Variants in KIF26A observed in about 807,000 individuals in gnomAD.
KIF26A encodes the protein kinesin-like protein KIF26A.
A neutral mutation model predicts 126.0 loss-of-function variants in KIF26A; 74 were observed. The observed-to-expected ratio is 0.59, with a 90% confidence interval of 0.49 to 0.71. KIF26A has a LOEUF of 0.71. KIF26A is among the 30% of genes least tolerant of loss of function. The probability of loss-of-function intolerance (pLI) is 0.00; values close to 1 mark genes in which losing one functional copy is unlikely to be tolerated. For missense variants in KIF26A, 2,984 were observed against 2,763.3 expected (o/e 1.08, Z -1.79); for synonymous variants, 1,445 against 1,232.7 (o/e 1.17, Z -3.61).
intron 2 of KIF26A, among the ~76,000 whole-genome samples, chr14:104,147,621 C>G (rs1247806731): frequency 6.6e-6 from 1 of 152,232 alleles, no homozygotes; most frequent in Non-Finnish European, 1.5e-5. Context: ...GCCCCCCGCC[C>G]TGATGGGCTG....
At position 104,138,614 on chromosome 14, in the gene KIF26A, G is replaced by T. The variant is rs2037606251; in HGVS notation, c.-109G>T. 11 of 887,120 alleles carry T rather than the reference G, an allele frequency of 1.2e-5. No individual in the cohort carries two copies. Among genetic ancestry groups the T allele is most frequent in the Non-Finnish European group, 1.5e-5 (10 of 688,698 alleles). 55.0% of individuals were successfully genotyped at this position (887,120 alleles called of 1,614,324 possible). ...TCGCAGGCTCTGCGAACTTCCGAGC[G>T]GCTGGGCCGGGCCATGGGGGCGCCT... is the stretch of plus-strand genomic sequence containing the variant. On this transcript the variant is annotated 5_prime_UTR_variant, in exon 1 of 15. Coordinates refer to ENST00000423312, the MANE Select transcript of KIF26A (RefSeq NM_015656.2).
At chr14:104,141,070 G>A (rs1480559786) in intron 2 of KIF26A, among the ~76,000 whole-genome samples, 1 of 152,208 alleles carries the variant, frequency 6.6e-6, no homozygotes, top group African/African-American at 2.4e-5. Context: ...TCATTGTCCT[G>A]TCCCCTGTGC....
rs766774140 is a variant in KIF26A at position 104,177,934 on chromosome 14, G to C, written c.5110+36G>C. On this transcript the variant is annotated intron_variant, in intron 12 of 14. Transcript: ENST00000423312. ...AGGTGCACAGCCCTCTACAGTTTAC[G>C]GGCTTTCTGTGTGTAGATGTGCACA... The C allele has an allele frequency of 2.7e-6, 4 of 1,462,496 alleles. 1 individual carries two copies. Among genetic ancestry groups the C allele is most frequent in the Non-Finnish European group, 3.6e-6 (4 of 1,114,480 alleles). The allele number at this position is 1,462,496 out of a possible 1,614,324, so 90.6% of individuals were successfully genotyped here. A position where few individuals can be genotyped will look rare whatever the true frequency, so the allele number is the denominator to read the frequency against.
chr14:104,180,893 T>C lies in KIF26A; in HGVS notation c.*1103T>C, dbSNP rs2038096000. 1 of 152,356 alleles carries C rather than the reference T, an allele frequency of 6.6e-6. No homozygotes were observed. Among genetic ancestry groups the C allele is most frequent in the Non-Finnish European group, 1.5e-5 (1 of 68,070 alleles). The allele number at this position is 152,356 out of a possible 1,614,324, so 9.4% of individuals were successfully genotyped here. On this transcript the variant is annotated 3_prime_UTR_variant, in exon 15 of 15. Coordinates refer to ENST00000423312, the MANE Select transcript of KIF26A (RefSeq NM_015656.2). ...TTGTGAATTAAAGATGCATCGATGG[T>C]TCCCACGGCTGCCGAGTTCACTGGG... is the stretch of plus-strand genomic sequence containing the variant.
At chr14:104,160,182 A>C (rs1164798392) in intron 4 of KIF26A, among the ~76,000 whole-genome samples, 1 of 152,150 alleles carries the variant, frequency 6.6e-6, no homozygotes, top group African/African-American at 2.4e-5. Context: ...GTGGCCTCTC[A>C]GGGAGCGGGC....
chr14:104,176,374 C>T lies in KIF26A; in HGVS notation c.3586C>T (p.Pro1196Ser). The T allele has an allele frequency of 6.3e-7, 1 of 1,584,246 alleles. No individual in the cohort carries two copies. Among genetic ancestry groups the T allele is most frequent in the Non-Finnish European group, 8.6e-7 (1 of 1,162,556 alleles). Residue 1196 changes from proline (P) to serine (S), a missense_variant, in exon 12 of 15, where the codon CCC (proline) becomes TCC (serine). Transcript: ENST00000423312. The stretch of plus-strand genomic sequence containing the variant: ...ACCCGGCAGGGAGCCCCAGGCCGGG[C>T]CCTCGCGGTGGGCATCCGCAGCCCA... ...SRPGREPQAGPSRWASAAQTI... is the reference protein window; with the variant it reads ...SRPGREPQAGSSRWASAAQTI...
In KIF26A at chr14:104,176,486, C is replaced by T. The variant is rs1432395109; in HGVS notation, c.3698C>T (p.Pro1233Leu). Reference sequence around the variant, plus strand: ...TGTGCTCGCCTGGGCCAGAGCCCACCTGGCCGTGGAGGCCTGTTTGAGGAC... The same window carrying T: ...TGTGCTCGCCTGGGCCAGAGCCCACTTGGCCGTGGAGGCCTGTTTGAGGAC... ...VGCARLGQSPPGRGGLFEDPW... is the reference protein window; with the variant it reads ...VGCARLGQSPLGRGGLFEDPW... The change falls in exon 12 of 15, where the codon CCT becomes CTT. Residue 1233 changes from proline (P) to leucine (L), a missense_variant. Coordinates refer to ENST00000423312, the MANE Select transcript of KIF26A (RefSeq NM_015656.2). 2 of 1,606,322 alleles carry T rather than the reference C, an allele frequency of 1.2e-6. No individual in the cohort carries two copies. The highest frequency in any genetic ancestry group is 1.1e-5 in the South Asian group (1 of 91,066).
Position 104,139,263 on chromosome 14 carries a change from T to A in KIF26A, c.263T>A (p.Val88Asp), listed in dbSNP as rs1276145402. 5 of 1,537,224 alleles carry A rather than the reference T, an allele frequency of 3.3e-6. No homozygotes were observed. In the East Asian group the frequency reaches 9.9e-5, roughly 31 times the overall value. The change falls in exon 2 of 15, where the codon GTC becomes GAC. Residue 88 changes from valine to aspartate, a missense_variant. Val to Asp is a radical substitution (Grantham distance 152). Transcript: ENST00000423312. Reference protein sequence around the residue: ...VELKRQAWKLVSGPGTTLRDP... With the variant: ...VELKRQAWKLDSGPGTTLRDP... ...CTCAAGCGACAGGCGTGGAAGCTGG[T>A]CAGCGGGCCCGGGACCACCCTCCGG...
At chr14:104,161,188 C>T (rs2037829540) in intron 4 of KIF26A, among the ~76,000 whole-genome samples, 1 of 152,190 alleles carries the variant, frequency 6.6e-6, no homozygotes, top group African/African-American at 2.4e-5. Flanking sequence ...CCAGCTGCCT[C>T]CAGCTGGGGT....
chr14:104,167,106 A>T (rs2037913880), intron 5 of KIF26A, 58 bp downstream of exon 5: 2 of 1,428,712 alleles, frequency 1.4e-6, no homozygotes, highest in Admixed American at 5.5e-5. Flanking sequence ...GTCTGAGAAG[A>T]CGCAGGAGGG....
rs771638818 is a variant in KIF26A at position 104,173,174 on chromosome 14, G to A, written c.1618G>A (p.Gly540Ser). The A allele has an allele frequency of 2.5e-6, 4 of 1,611,562 alleles. No individual in the cohort carries two copies. In the African/African-American group the frequency reaches 5.3e-5, roughly 22 times the overall value. ...LRDLLAEVAP[G>S]SLQDTQSPGV... Reference sequence around the variant, plus strand: ...GGACCTGCTGGCCGAGGTGGCCCCTGGCAGCCTCCAGGACACCCAGTCTCC... The same window carrying A: ...GGACCTGCTGGCCGAGGTGGCCCCTAGCAGCCTCCAGGACACCCAGTCTCC... Residue 540 changes from glycine to serine, a missense_variant, in exon 8 of 15, where the codon GGC (glycine) becomes AGC (serine). Coordinates refer to ENST00000423312, the MANE Select transcript of KIF26A (RefSeq NM_015656.2).
chr14:104,165,470 G>A (rs1264493078), intron 4 of KIF26A, among the ~76,000 whole-genome samples: 1 of 66,868 alleles, frequency 1.5e-5, no homozygotes, highest in Non-Finnish European at 3.0e-5. Context: ...TGTGTGTGTG[G>A]GCCTCTGTGT....
rs1434640190 is a variant in KIF26A, at chr14:104,148,284, A to G, written c.289-3731A>G. Among the ~76,000 whole-genome samples the G allele has an allele frequency of 6.6e-6, 1 of 152,240 alleles. No individual in the cohort carries two copies. Among genetic ancestry groups the G allele is most frequent in the Non-Finnish European group, 1.5e-5 (1 of 68,046 alleles). ...AACCCAGGCGCGCAATGGGTGGGCT[A>G]TGTTTGATGCTAAATTGAATCAAAT... is the stretch of plus-strand genomic sequence containing the variant. On this transcript the variant is annotated intron_variant, in intron 2 of 14. Transcript: ENST00000423312. The surrounding 1 kb of genome is among the most constrained non-coding windows in gnomAD (Gnocchi z 4.3).
intron 2 of KIF26A, among the ~76,000 whole-genome samples, chr14:104,149,182 G>T (rs1365928805): frequency 6.6e-6 from 1 of 152,224 alleles, no homozygotes; most frequent in African/African-American, 2.4e-5. Flanking sequence ...TAGGGTTGGA[G>T]AGATGGCCCC....
At chr14:104,159,740 G>T (rs1458919058) in intron 4 of KIF26A, among the ~76,000 whole-genome samples, 3 of 152,244 alleles carry the variant, frequency 2.0e-5, no homozygotes, top group African/African-American at 4.8e-5. Context: ...GCCACTGCAG[G>T]TGGCAGGTCG....
At chr14:104,173,922 TAA>T in intron 10 of KIF26A, 54 bp downstream of exon 10, 1 of 1,518,028 alleles carries the variant, frequency 6.6e-7, no homozygotes, top group Non-Finnish European at 8.8e-7. Flanking sequence ...GGTGACCTGG[TAA>T]ATCCGTGTCT....
chr14:104,173,508 G>A lies in KIF26A; in HGVS notation c.1862G>A (p.Gly621Glu), dbSNP rs569133070. The change falls in exon 9 of 15, where the codon GGA (glycine) becomes GAA (glutamate). Residue 621 changes from glycine to glutamate, a missense_variant. Coordinates refer to ENST00000423312, the MANE Select transcript of KIF26A (RefSeq NM_015656.2). Reference sequence around the variant, plus strand: ...TACCGCATGGAGAAGTGCGGCCGGGGAGGAAGTAGGTGCCACACCCGCACT... The same window carrying A: ...TACCGCATGGAGAAGTGCGGCCGGGAAGGAAGTAGGTGCCACACCCGCACT... ...YQYRMEKCGR[G>E]GMSGGRSRLH... The A allele has an allele frequency of 1.3e-6, 2 of 1,558,290 alleles. No individual in the cohort carries two copies. The highest frequency in any genetic ancestry group is 2.3e-5 in the East Asian group (1 of 43,524).
In KIF26A at chr14:104,180,180, C is replaced by G. The variant is rs2038086967; in HGVS notation, c.*390C>G. The G allele has an allele frequency of 1.0e-5, 1 of 99,570 alleles. No individual in the cohort carries two copies. 6.2% of individuals were successfully genotyped at this position (99,570 alleles called of 1,614,324 possible). The stretch of plus-strand genomic sequence containing the variant: ...CCACCTTGCCTTCTTTGCAGCCAAG[C>G]AGTTTTTGTGGAGTGGAGTGGGACT... On this transcript the variant is annotated 3_prime_UTR_variant, in exon 15 of 15. Transcript: ENST00000423312.
In KIF26A at chr14:104,173,157, T is replaced by G; in HGVS notation, c.1601T>G (p.Leu534Arg). The change falls in exon 8 of 15, where the codon CTG (leucine) becomes CGG (arginine). Residue 534 changes from leucine to arginine, a missense_variant. Transcript: ENST00000423312. The part of the protein sequence containing the change: ...CGRDQSLRDL[L>R]AEVAPGSLQD... ...CGCGACCAGAGCCTGCGGGACCTGCTGGCCGAGGTGGCCCCTGGCAGCCTC... is the reference window on the plus strand; with the variant it reads ...CGCGACCAGAGCCTGCGGGACCTGCGGGCCGAGGTGGCCCCTGGCAGCCTC... 6.2e-7 allele frequency: 1 copy of G among 1,611,212 alleles called. No homozygotes were observed. The highest frequency in any genetic ancestry group is 8.5e-7 in the Non-Finnish European group (1 of 1,179,344).
Sources: allele counts gnomAD v4.1 joint callset (sites outside exome capture counted in the v4.1 genomes callset), GRCh38; gene constraint gnomAD v4.1.1; non-coding constraint Gnocchi (gnomAD v3.1); transcripts MANE v1.5; gene names NCBI Gene and HGNC (gene_info 2026-07-23, HGNC 2026-07-21).